Variants in CXADR observed in about 807,000 individuals in gnomAD.
CXADR encodes coxsackievirus and adenovirus receptor.
In CXADR, 20 loss-of-function variants were observed where a neutral mutation model predicts 40.3. The observed-to-expected ratio is 0.50, with a 90% confidence interval of 0.35 to 0.72. The LOEUF is 0.72. CXADR is among the 30% of genes least tolerant of loss of function. CXADR has a pLI of 0.01. For missense variants in CXADR, 332 were observed against 449.1 expected, an observed-to-expected ratio of 0.74 and a Z score of 2.36; for synonymous variants, 150 against 161.3, an observed-to-expected ratio of 0.93 and a Z score of 0.53.
At chr21:17,598,065 C>T (rs994031573), downstream of CXADR, among the ~76,000 whole-genome samples, 3 of 151,928 alleles carry the variant, frequency 2.0e-5, no homozygotes, top group Non-Finnish European at 4.4e-5. Flanking sequence ...TTTTTAAAGT[C>T]GATTAAATGT....
downstream of CXADR, among the ~76,000 whole-genome samples, chr21:17,597,272 GACTTACATTCTTGC>G (rs2061516048): frequency 6.6e-6 from 1 of 151,898 alleles, no homozygotes; most frequent in South Asian, 2.1e-4. Context: ...TTTAATTTGA[GACTTACATTCTTGC>G]TTAACAACAA....
chr21:17,560,451 A>G (rs898344000), intron 4 of CXADR, among the ~76,000 whole-genome samples: 1 of 152,232 alleles, frequency 6.6e-6, no homozygotes, highest in Non-Finnish European at 1.5e-5. Context: ...ACAGTGGACC[A>G]GCACCCCTGC....
chr21:17,553,808 G>T (rs924627970), intron 3 of CXADR, among the ~76,000 whole-genome samples: 2 of 151,746 alleles, frequency 1.3e-5, no homozygotes, highest in African/African-American at 4.8e-5. Context: ...TGGTAGAGAC[G>T]GGGTTTCACC....
chr21:17,570,566 T>A (rs78393543), downstream of CXADR, among the ~76,000 whole-genome samples: 1,474 of 152,266 alleles, frequency 9.7e-3, 25 homozygotes, highest in African/African-American at 0.034. Flanking sequence ...TCCTCTAGCC[T>A]CTTTCATAAG....
At chr21:17,514,567 A>G (rs866990832) in intron 1 of CXADR, among the ~76,000 whole-genome samples, 1,629 of 8,672 alleles carry the variant, frequency 0.19, 35 homozygotes, top group African/African-American at 0.36. Context: ...TTCTCTGGGA[A>G]AAAAAAAAAA....
At position 17,568,766 on chromosome 21, in the gene CXADR, C is replaced by G. The variant is rs1415807741; in HGVS notation, c.*3074C>G. 1 of 984,908 alleles carries G rather than the reference C, an allele frequency of 1.0e-6. No homozygotes were observed. Among genetic ancestry groups the G allele is most frequent in the African/African-American group, 1.8e-5 (1 of 57,070 alleles). 61.0% of individuals were successfully genotyped at this position (984,908 alleles called of 1,614,324 possible). On this transcript the variant is annotated 3_prime_UTR_variant, in exon 7 of 7. Transcript: ENST00000284878. ...TGGTAATCTTAACTAATATGATTCC[C>G]TTGTTAGAGAGCCTCTCACTCCCCC...
At chr21:17,528,068 CTTTTTTT>C (rs35477813) in intron 1 of CXADR, among the ~76,000 whole-genome samples, 2 of 78,352 alleles carry the variant, frequency 2.6e-5, no homozygotes, top group African/African-American at 5.1e-5. Context: ...TTAGTTCTTT[CTTTTTTT>C]TTTTTTTTTT....
At chr21:17,615,729 AG>A in the CXADR span, among the ~76,000 whole-genome samples, 1 of 152,168 alleles carries the variant, frequency 6.6e-6, no homozygotes, top group South Asian at 2.1e-4. Flanking sequence ...TTAATGGTGT[AG>A]TTTGCTTTTA....
rs575948812 is a variant in CXADR at position 17,532,414 on chromosome 21, C to T, written c.44-14613C>T. Reference sequence around the variant, plus strand: ...CCACATATCATACACTGTCTATTTTCTCCCCTCATCGAGAACAAATTTCTC... The same window carrying T: ...CCACATATCATACACTGTCTATTTTTTCCCCTCATCGAGAACAAATTTCTC... On this transcript the variant is annotated intron_variant, in intron 1 of 6. Transcript: ENST00000284878. Among the ~76,000 whole-genome samples the T allele has an allele frequency of 2.5e-4, 38 of 152,280 alleles. 1 individual carries two copies. In the South Asian group the frequency reaches 7.9e-3, roughly 32 times the overall value.
At chr21:17,552,826 C>T (rs1353246810) in intron 3 of CXADR, among the ~76,000 whole-genome samples, 1 of 152,106 alleles carries the variant, frequency 6.6e-6, no homozygotes, top group African/African-American at 2.4e-5. Flanking sequence ...GGCAGGCCTC[C>T]CACATCAACA....
At chr21:17,546,194 A>G (rs2060894934) in intron 1 of CXADR, among the ~76,000 whole-genome samples, 1 of 152,218 alleles carries the variant, frequency 6.6e-6, no homozygotes, top group African/African-American at 2.4e-5. Flanking sequence ...TATAGAATTA[A>G]ATCTAATAAA....
intron 1 of CXADR, among the ~76,000 whole-genome samples, chr21:17,527,835 G>A (rs866271260): frequency 3.3e-5 from 5 of 150,370 alleles, no homozygotes; most frequent in East Asian, 3.9e-4. Flanking sequence ...TTAATGAGAC[G>A]GAATCTCGCT....
At chr21:17,546,935 C>T in intron 1 of CXADR, 92 bp from the exon 2 acceptor site, 1 of 1,468,106 alleles carries the variant, frequency 6.8e-7, no homozygotes, top group Non-Finnish European at 9.3e-7. Flanking sequence ...GTATCCCTCG[C>T]ATCAATGTGC....
chr21:17,584,699 C>T lies in CXADR; in HGVS notation c.1018-8453C>T, dbSNP rs574053083. Among the ~76,000 whole-genome samples the T allele has an allele frequency of 8.5e-5, 13 of 152,152 alleles. 1 individual carries two copies. Among genetic ancestry groups the T allele is most frequent in the South Asian group, 2.1e-4 (1 of 4,814 alleles). On this transcript the variant is annotated intron_variant, in intron 7 of 7. Transcript: ENST00000400169. ...ACAAAAAGTTAGCTGGACATGGTGG[C>T]GGGCACCTGTAATCCCAGCTACTCT...
At chr21:17,558,390 C>T (rs534221940) in intron 3 of CXADR, among the ~76,000 whole-genome samples, 1 of 152,130 alleles carries the variant, frequency 6.6e-6, no homozygotes, top group African/African-American at 2.4e-5. Flanking sequence ...GTCTTGGCCT[C>T]CAAAGTGCTG....
intron 7 of CXADR, among the ~76,000 whole-genome samples, chr21:17,581,283 T>C (rs1156629124): frequency 2.0e-5 from 3 of 152,212 alleles, no homozygotes; most frequent in Non-Finnish European, 4.4e-5. Flanking sequence ...ATATGTCATT[T>C]TGTGTATGTA....
At position 17,569,431 on chromosome 21, in the gene CXADR, C is replaced by T. The variant is rs2061256512; in HGVS notation, c.*3739C>T. On this transcript the variant is annotated 3_prime_UTR_variant, in exon 7 of 7. Coordinates refer to ENST00000284878, the MANE Select transcript of CXADR (RefSeq NM_001338.5). ...TGTTTAGTAGTGTAAATGTTCTGGG[C>T]AAGTTTTAATATTTTGAATGCCTTT... 1 of 984,568 alleles carries T rather than the reference C, an allele frequency of 1.0e-6. No homozygotes were observed. Among genetic ancestry groups the T allele is most frequent in the South Asian group, 4.7e-5 (1 of 21,268 alleles). The allele number at this position is 984,568 out of a possible 1,614,324, so 61.0% of individuals were successfully genotyped here.
the CXADR span, among the ~76,000 whole-genome samples, chr21:17,626,099 G>A: frequency 6.6e-6 from 1 of 152,182 alleles, no homozygotes; most frequent in East Asian, 1.9e-4. Flanking sequence ...TCTACCTTAT[G>A]CAGTCTTTTC....
chr21:17,583,606 C>T (rs1002274118), intron 7 of CXADR, among the ~76,000 whole-genome samples: 3 of 92 alleles, frequency 0.033, no homozygotes, highest in South Asian at 0.17. Context: ...TGCTGACACA[C>T]ACTCGAAATC....
Sources: gnomAD v4.1 joint callset for allele counts (sites outside exome capture counted in the v4.1 genomes callset) on GRCh38, gnomAD v4.1.1 for gene constraint, MANE v1.5 for transcripts, NCBI Gene and HGNC (gene_info 2026-07-23, HGNC 2026-07-21) for gene names.